The following ADGRV1 variants were observed in gnomAD, a reference collection of about 807,000 sequenced individuals.
ADGRV1 encodes the protein adhesion G protein-coupled receptor V1, also known as G-protein coupled receptor 98.
In ADGRV1, 359 loss-of-function variants were observed where a neutral mutation model predicts 596.2. The observed-to-expected ratio is 0.60, with a 90% CI of 0.55 to 0.66. The LOEUF is 0.66. ADGRV1 is among the 30% of genes least tolerant of loss of function. The probability of loss-of-function intolerance (pLI) is 0.00; values close to 1 mark genes in which losing one functional copy is unlikely to be tolerated. For missense variants in ADGRV1, 7,274 were observed against 7,575.6 expected, an observed-to-expected ratio of 0.96 and a Z score of 1.48; for synonymous variants, 2,681 against 2,679.2, an observed-to-expected ratio of 1.00 and a Z score of -0.02.
chr5:90,720,761 G>C (rs1750807203), intron 44 of ADGRV1, among the ~76,000 whole-genome samples, 174 bp from the exon 45 acceptor site: 1 of 152,032 alleles, frequency 6.6e-6, no homozygotes, highest in Non-Finnish European at 1.5e-5. Flanking sequence ...TTCTTTTTCA[G>C]AATATAGAGT....
intron 85 of ADGRV1, among the ~76,000 whole-genome samples, chr5:91,039,959 A>G (rs1785205955): frequency 6.6e-6 from 1 of 152,172 alleles, no homozygotes; most frequent in Non-Finnish European, 1.5e-5. Flanking sequence ...TCAGCTAAAG[A>G]AAAATGAAAA....
At chr5:90,992,312 G>T (rs569466570) in intron 85 of ADGRV1, among the ~76,000 whole-genome samples, 6 of 152,202 alleles carry the variant, frequency 3.9e-5, no homozygotes, top group Non-Finnish European at 8.8e-5. Context: ...TATACAATTT[G>T]TTCTGCTAAT....
intron 84 of ADGRV1, among the ~76,000 whole-genome samples, chr5:90,980,971 CTG>C (rs1183806751): frequency 6.6e-6 from 1 of 152,176 alleles, no homozygotes; most frequent in Admixed American, 6.5e-5. Context: ...TGGTTACTCT[CTG>C]TGAGATGTGA....
chr5:91,022,532 A>G (rs1020333264), intron 85 of ADGRV1, among the ~76,000 whole-genome samples: 2 of 152,118 alleles, frequency 1.3e-5, no homozygotes, highest in African/African-American at 4.8e-5. Context: ...TTTAAGGTTT[A>G]TGGAAAGAAA....
intron 83 of ADGRV1, among the ~76,000 whole-genome samples, chr5:90,918,304 A>G (rs1162524320): frequency 6.6e-6 from 1 of 152,174 alleles, no homozygotes; most frequent in Non-Finnish European, 1.5e-5. Flanking sequence ...GACGGACCAC[A>G]TCTACTAGAC....
intron 2 of ADGRV1, 120 bp from the exon 3 acceptor site, chr5:90,617,684 A>G (rs2152056275): frequency 3.9e-6 from 3 of 772,024 alleles, no homozygotes; most frequent in East Asian, 5.7e-5. Flanking sequence ...TGTACACCCT[A>G]TCTATAAACA....
intron 1 of ADGRV1, among the ~76,000 whole-genome samples, chr5:90,598,472 C>T (rs1402926069): frequency 6.6e-6 from 1 of 152,194 alleles, no homozygotes; most frequent in African/African-American, 2.4e-5. Context: ...GGCAGTGGAG[C>T]GTTTCTCCTC....
At chr5:91,083,972 G>A (rs578004177) in intron 86 of ADGRV1, among the ~76,000 whole-genome samples, 7 of 152,156 alleles carry the variant, frequency 4.6e-5, no homozygotes, top group East Asian at 3.9e-4. Flanking sequence ...TCCTATTTTC[G>A]AATCTGTGTT....
Position 90,778,938 on chromosome 5 carries a change from C to G in ADGRV1, c.12923C>G (p.Thr4308Arg). 3 of 1,613,518 alleles carry G rather than the reference C, an allele frequency of 1.9e-6. No homozygotes were observed. The highest frequency in any genetic ancestry group is 2.5e-6 in the Non-Finnish European group (3 of 1,179,566). ...CTCTGGTACAAGACGATGAGCGGGA[C>G]AGCGGAAGCAGGCTTGGATTTTGTT... ...VRLWYKTMSG[T>R]AEAGLDFVPA... The change falls in exon 64 of 90, where the codon ACA (threonine) becomes AGA (arginine). Residue 4308 changes from threonine to arginine, a missense_variant. Around this residue, in one of 5 missense-constraint regions of ADGRV1, gnomAD observed 3,643 missense variants for 3,809.2 expected, o/e 0.96. Coordinates refer to ENST00000405460, the MANE Select transcript of ADGRV1 (RefSeq NM_032119.4).
chr5:90,754,477 TA>T (rs972253158), intron 54 of ADGRV1, among the ~76,000 whole-genome samples: 6 of 152,200 alleles, frequency 3.9e-5, no homozygotes, highest in Non-Finnish European at 5.9e-5. Flanking sequence ...ATTAAGTTTT[TA>T]AAATCTAAAC....
At chr5:90,639,701 T>G (rs1766721042) in intron 11 of ADGRV1, among the ~76,000 whole-genome samples, 1 of 152,142 alleles carries the variant, frequency 6.6e-6, no homozygotes, top group Non-Finnish European at 1.5e-5. Flanking sequence ...TTGTATTATC[T>G]CATTTGTGTG....
chr5:90,997,270 G>C (rs1781496438), intron 85 of ADGRV1, among the ~76,000 whole-genome samples: 1 of 152,120 alleles, frequency 6.6e-6, no homozygotes, highest in Non-Finnish European at 1.5e-5. Context: ...ATTGGATTAT[G>C]GGAGTGGTTT....
intron 63 of ADGRV1, 59 bp downstream of exon 63, chr5:90,778,668 TTTC>T: frequency 7.4e-7 from 1 of 1,358,394 alleles, no homozygotes; most frequent in Non-Finnish European, 9.8e-7. Flanking sequence ...ATGAAAATGT[TTTC>T]TTGTTTCTAT....
At chr5:90,574,939 T>G (rs1317466121) in intron 1 of ADGRV1, among the ~76,000 whole-genome samples, 1 of 152,180 alleles carries the variant, frequency 6.6e-6, no homozygotes, top group Non-Finnish European at 1.5e-5. Context: ...TAATATAACT[T>G]TTGTCATTTC....
intron 2 of ADGRV1, chr5:90,617,555 G>A (rs977227078): frequency 5.6e-5 from 16 of 287,448 alleles, no homozygotes; most frequent in African/African-American, 2.5e-4. Context: ...TGATCCGCCC[G>A]TGTCGGCCTC....
intron 79 of ADGRV1, among the ~76,000 whole-genome samples, chr5:90,849,892 A>C (rs1285583427): frequency 2.0e-5 from 3 of 152,242 alleles, no homozygotes; most frequent in Non-Finnish European, 4.4e-5. Context: ...TGAAATTTCC[A>C]TGTGGTTCAA....
At chr5:91,056,045 G>C (rs1446010456) in intron 85 of ADGRV1, among the ~76,000 whole-genome samples, 1 of 152,160 alleles carries the variant, frequency 6.6e-6, no homozygotes, top group East Asian at 1.9e-4. Context: ...CGAGATGCTT[G>C]AAGAAATGGT....
At position 90,750,533 on chromosome 5, in the gene ADGRV1, T is replaced by A; in HGVS notation, c.10975-18T>A. 1 of 1,586,704 alleles carries A rather than the reference T, an allele frequency of 6.3e-7. No homozygotes were observed. The highest frequency in any genetic ancestry group is 1.2e-5 in the South Asian group (1 of 86,380). ...TAATTTCAGGGAACCCCTTGTGACT[T>A]TCTGTGTATTTTTTCAGAATTCATT... On this transcript the variant is annotated intron_variant, in intron 52 of 89. Coordinates refer to ENST00000405460, the MANE Select transcript of ADGRV1 (RefSeq NM_032119.4).
intron 89 of ADGRV1, 84 bp downstream of exon 89, chr5:91,153,482 G>T: frequency 1.0e-6 from 1 of 958,908 alleles, no homozygotes; most frequent in Non-Finnish European, 1.5e-6. Context: ...AAGTTGCAAA[G>T]TACTATCAGT....
Sources: gnomAD v4.1 joint callset for allele counts (sites outside exome capture counted in the v4.1 genomes callset) on GRCh38, gnomAD v4.1.1 for gene constraint, gnomAD v4.1.1 regional missense constraint, MANE v1.5 for transcripts, NCBI Gene and HGNC (gene_info 2026-07-23, HGNC 2026-07-21) for gene names.